MRPL49: variants seen among roughly 807,000 people sequenced by gnomAD.
MRPL49 encodes the protein large ribosomal subunit protein mL49.
MRPL49 carries 14 observed loss-of-function variants against 18.4 expected under a neutral mutation model. The observed-to-expected ratio is 0.76, with a 90% CI of 0.50 to 1.19. The LOEUF (loss-of-function observed/expected upper bound fraction) is 1.19. Among genes scored for constraint, MRPL49 ranks in the 50% most tolerant of loss-of-function variants. The probability of loss-of-function intolerance (pLI) is 0.00; values close to 1 mark genes in which losing one functional copy is unlikely to be tolerated. For missense variants in MRPL49, 190 were observed against 217.8 expected, an observed-to-expected ratio of 0.87 and a Z score of 0.80; for synonymous variants, 104 against 86.2, an observed-to-expected ratio of 1.21 and a Z score of -1.14.
intron 1 of MRPL49, 52 bp downstream of exon 1, chr11:65,122,476 T>A (rs1392290241): frequency 7.9e-6 from 12 of 1,524,728 alleles, no homozygotes; most frequent in Middle Eastern, 1.7e-4. Context: ...TGAGGCTCAG[T>A]GTTAATCATT....
chr11:65,126,085 C>T lies in MRPL49; in HGVS notation c.*213C>T. On this transcript the variant is annotated 3_prime_UTR_variant, in exon 4 of 4. Transcript: ENST00000279242. The stretch of plus-strand genomic sequence containing the variant: ...CTAATGTGGGAGACCAAATAGGGAT[C>T]ACCAGGCTAATGGGGGGCGTCAGCA... 2.0e-6 allele frequency: 1 copy of T among 504,352 alleles called. No homozygotes were observed. The highest frequency in any genetic ancestry group is 3.4e-6 in the Non-Finnish European group (1 of 291,070). 31.2% of individuals were successfully genotyped at this position (504,352 alleles called of 1,614,324 possible).
upstream of MRPL49, chr11:65,122,293 G>A: frequency 1.9e-6 from 3 of 1,590,538 alleles, no homozygotes; most frequent in South Asian, 1.1e-5. Flanking sequence ...GCTCGCGCAG[G>A]ACGGGGCGGG....
rs1430625821 is a variant in MRPL49 at position 65,127,069 on chromosome 11, C to G, written c.*1197C>G. On this transcript the variant is annotated 3_prime_UTR_variant, in exon 4 of 4. Transcript: ENST00000279242. ...CTGACTCCCCAACTTGGTCTCTGCC[C>G]TGAAGCAGGGCACTGAACTCTGGGC... 1 of 702,332 alleles carries G rather than the reference C, an allele frequency of 1.4e-6. No homozygotes were observed. The allele number at this position is 702,332 out of a possible 1,614,324, so 43.5% of individuals were successfully genotyped here.
chr11:65,127,122 T>TC lies in MRPL49; in HGVS notation c.*1251dup, dbSNP rs1268537126. 7.3e-6 allele frequency: 5 copies of TC among 689,224 alleles called. No individual in the cohort carries two copies. Among genetic ancestry groups the TC allele is most frequent in the Non-Finnish European group, 1.3e-5 (5 of 379,058 alleles). 42.7% of individuals were successfully genotyped at this position (689,224 alleles called of 1,614,324 possible). On this transcript the variant is annotated 3_prime_UTR_variant, in exon 4 of 4. Coordinates refer to ENST00000279242, the MANE Select transcript of MRPL49 (RefSeq NM_004927.4). ...CTTCTCTGTGTGTAAAATGGGCACATCTTCCTAATCTGTTAATGGTCAGTG... is the reference window on the plus strand; with the variant it reads ...CTTCTCTGTGTGTAAAATGGGCACATCCTTCCTAATCTGTTAATGGTCAGTG...
chr11:65,122,326 AGGCT>A lies in MRPL49; in HGVS notation c.-17_-14del, dbSNP rs1356830908. ...GGGACCAGACAGTTGCGCGCACAGA[AGGCT>A]GGCGTAGCAGGTAAAGATGGCAGCT... On this transcript the variant is annotated 5_prime_UTR_variant, in exon 1 of 4. Transcript: ENST00000279242. 6.2e-7 allele frequency: 1 copy of A among 1,609,514 alleles called. No individual in the cohort carries two copies. The highest frequency in any genetic ancestry group is 1.7e-5 in the Admixed American group (1 of 59,642).
intron 2 of MRPL49, 182 bp downstream of exon 2, chr11:65,124,834 A>G: frequency 1.6e-6 from 1 of 606,704 alleles, no homozygotes; most frequent in Non-Finnish European, 2.8e-6. Context: ...TCTGTTGTTC[A>G]CTGGTACTCA....
At position 65,124,739 on chromosome 11, in the gene MRPL49, C is replaced by T. The variant is rs1948084316; in HGVS notation, c.229+87C>T. Reference sequence around the variant, plus strand: ...TTGGCCTCCCCCATGAGGCTCTGGACTCTCCAGTGGGTTCAGGACTCATTT... The same window carrying T: ...TTGGCCTCCCCCATGAGGCTCTGGATTCTCCAGTGGGTTCAGGACTCATTT... On this transcript the variant is annotated intron_variant, in intron 2 of 3. Coordinates refer to ENST00000279242, the MANE Select transcript of MRPL49 (RefSeq NM_004927.4). 4 of 1,467,510 alleles carry T rather than the reference C, an allele frequency of 2.7e-6. No homozygotes were observed. In the East Asian group the frequency reaches 9.1e-5, roughly 33 times the overall value. 90.9% of individuals were successfully genotyped at this position (1,467,510 alleles called of 1,614,324 possible).
At position 65,126,737 on chromosome 11, in the gene MRPL49, G is replaced by A. The variant is rs1212963202; in HGVS notation, c.*865G>A. 2 of 475,492 alleles carry A rather than the reference G, an allele frequency of 4.2e-6. No homozygotes were observed. The highest frequency in any genetic ancestry group is 7.1e-5 in the East Asian group (2 of 28,298). 29.5% of individuals were successfully genotyped at this position (475,492 alleles called of 1,614,324 possible). A position where few individuals can be genotyped will look rare whatever the true frequency, so the allele number is the denominator to read the frequency against. ...GCACAGAGTGCCCACGTTAGCCCCG[G>A]GCTCTGATAGAGAGGTAGGAGGCAC... On this transcript the variant is annotated 3_prime_UTR_variant, in exon 4 of 4. Coordinates refer to ENST00000279242, the MANE Select transcript of MRPL49 (RefSeq NM_004927.4).
At chr11:65,123,903 TTGAG>T (rs1948076899) in intron 1 of MRPL49, among the ~76,000 whole-genome samples, 1 of 152,130 alleles carries the variant, frequency 6.6e-6, no homozygotes, top group Non-Finnish European at 1.5e-5. Flanking sequence ...TTTGTTTTGT[TTGAG>T]AGAGTCTCGT....
At position 65,127,231 on chromosome 11, in the gene MRPL49, A is replaced by G; in HGVS notation, c.*1359A>G. The G allele has an allele frequency of 3.7e-6, 2 of 537,986 alleles. No individual in the cohort carries two copies. The highest frequency in any genetic ancestry group is 5.3e-5 in the South Asian group (2 of 37,690). The allele number at this position is 537,986 out of a possible 1,614,324, so 33.3% of individuals were successfully genotyped here. A position where few individuals can be genotyped will look rare whatever the true frequency, so the allele number is the denominator to read the frequency against. ...CATTTTCAAGTGTACAGCCACAGCAAGGAGCCCGACACTGATTTGATCGAT... is the reference window on the plus strand; with the variant it reads ...CATTTTCAAGTGTACAGCCACAGCAGGGAGCCCGACACTGATTTGATCGAT... On this transcript the variant is annotated 3_prime_UTR_variant, in exon 4 of 4. Transcript: ENST00000279242.
intron 1 of MRPL49, among the ~76,000 whole-genome samples, chr11:65,123,882 ATTTGT>A (rs755873128): frequency 6.6e-5 from 10 of 151,912 alleles, no homozygotes; most frequent in Admixed American, 3.9e-4. Context: ...CCATGCAGGA[ATTTGT>A]TTTGTTTTGT....
In MRPL49 at chr11:65,125,665, G is replaced by A. The variant is rs931078630; in HGVS notation, c.354+53G>A. 15 of 1,612,258 alleles carry A rather than the reference G, an allele frequency of 9.3e-6. No individual in the cohort carries two copies. In the Admixed American group the frequency reaches 2.0e-4, roughly 22 times the overall value. ...GGCCTGACCCTTTCAGGGCTGAAGGGACAGGAGTCTTTTTAAGGGAAGGGA... is the reference window on the plus strand; with the variant it reads ...GGCCTGACCCTTTCAGGGCTGAAGGAACAGGAGTCTTTTTAAGGGAAGGGA... On this transcript the variant is annotated intron_variant, in intron 3 of 3. Coordinates refer to ENST00000279242, the MANE Select transcript of MRPL49 (RefSeq NM_004927.4).
At chr11:65,123,230 C>G (rs1311122132) in intron 1 of MRPL49, among the ~76,000 whole-genome samples, 4 of 152,160 alleles carry the variant, frequency 2.6e-5, no homozygotes, top group Non-Finnish European at 1.5e-5. Context: ...TACATATACT[C>G]TTTTGCATCC....
chr11:65,122,540 C>A lies in MRPL49; in HGVS notation c.78+116C>A, dbSNP rs2137221051. On this transcript the variant is annotated intron_variant, in intron 1 of 3. Transcript: ENST00000279242. ...CTTGGGGCCTTAGTTTTGCCGTTTT[C>A]GATCAGGAGAACTTGTCCCGAGTGT... is the stretch of plus-strand genomic sequence containing the variant. 1.1e-5 allele frequency: 10 copies of A among 940,100 alleles called. No homozygotes were observed. In the South Asian group the frequency reaches 1.6e-4, roughly 15 times the overall value. The allele number at this position is 940,100 out of a possible 1,614,324, so 58.2% of individuals were successfully genotyped here.
chr11:65,126,961 A>T lies in MRPL49; in HGVS notation c.*1089A>T. ...CCAACCCCAGCTCACTAGCCTTCAT[A>T]TATGCCTTATACTTGGAGTCACAGG... On this transcript the variant is annotated 3_prime_UTR_variant, in exon 4 of 4. Transcript: ENST00000279242. The T allele has an allele frequency of 1.5e-6, 1 of 673,942 alleles. No individual in the cohort carries two copies. Among genetic ancestry groups the T allele is most frequent in the Non-Finnish European group, 2.7e-6 (1 of 369,786 alleles). The allele number at this position is 673,942 out of a possible 1,614,324, so 41.7% of individuals were successfully genotyped here.
chr11:65,125,833 C>A lies in MRPL49; in HGVS notation c.462C>A (p.Asp154Glu). Reference sequence around the variant, plus strand: ...CCCTACGGATCAAGGGCTACTTTGACCAGGAGCTTAAAGCCTGGCTCTTGG... The same window carrying A: ...CCCTACGGATCAAGGGCTACTTTGAACAGGAGCTTAAAGCCTGGCTCTTGG... ...TGTLRIKGYF[D>E]QELKAWLLEK... Residue 154 changes from aspartate to glutamate, a missense_variant, in exon 4 of 4, where the codon GAC (aspartate) becomes GAA (glutamate). By Grantham distance (45) the Asp-to-Glu change is conservative. Coordinates refer to ENST00000279242, the MANE Select transcript of MRPL49 (RefSeq NM_004927.4). 6.2e-7 allele frequency: 1 copy of A among 1,611,120 alleles called. No individual in the cohort carries two copies. The highest frequency in any genetic ancestry group is 8.5e-7 in the Non-Finnish European group (1 of 1,178,932).
Position 65,126,937 on chromosome 11 carries a change from C to A in MRPL49, c.*1065C>A. 2 of 661,102 alleles carry A rather than the reference C, an allele frequency of 3.0e-6. No individual in the cohort carries two copies. The highest frequency in any genetic ancestry group is 1.6e-5 in the South Asian group (1 of 62,622). 41.0% of individuals were successfully genotyped at this position (661,102 alleles called of 1,614,324 possible). ...GACCTTTCACCCTGCCATCCCATCC[C>A]AACCCCAGCTCACTAGCCTTCATAT... On this transcript the variant is annotated 3_prime_UTR_variant, in exon 4 of 4. Transcript: ENST00000279242.
intron 2 of MRPL49, 82 bp downstream of exon 2, chr11:65,124,734 C>T: frequency 6.7e-7 from 1 of 1,489,938 alleles, no homozygotes; most frequent in African/African-American, 1.4e-5. Context: ...CCATGAGGCT[C>T]TGGACTCTCC....
chr11:65,125,502 C>A lies in MRPL49; in HGVS notation c.244C>A (p.Leu82Met), dbSNP rs1948090998. 1.2e-6 allele frequency: 2 copies of A among 1,613,924 alleles called. No homozygotes were observed. Among genetic ancestry groups the A allele is most frequent in the African/African-American group, 2.7e-5 (2 of 75,030 alleles). ...CCCTGTTGCAGACCCCCCACCCAACCTGCCTTACTTTGTACGACGCTCTCG... is the reference window on the plus strand; with the variant it reads ...CCCTGTTGCAGACCCCCCACCCAACATGCCTTACTTTGTACGACGCTCTCG... The part of the protein sequence containing the change: ...WQPPRDPPPN[L>M]PYFVRRSRMH... Residue 82 changes from leucine to methionine, a missense_variant, in exon 3 of 4, where the codon CTG (leucine) becomes ATG (methionine). By Grantham distance (15) the Leu-to-Met change is conservative. Coordinates refer to ENST00000279242, the MANE Select transcript of MRPL49 (RefSeq NM_004927.4).
Sources: gnomAD v4.1 joint callset for allele counts (sites outside exome capture counted in the v4.1 genomes callset) on GRCh38, gnomAD v4.1.1 for gene constraint, MANE v1.5 for transcripts, NCBI Gene and HGNC (gene_info 2026-07-23, HGNC 2026-07-21) for gene names.